PNOC: variants seen among roughly 807,000 people sequenced by gnomAD.
PNOC encodes the protein nociceptin.
A neutral mutation model predicts 15.6 loss-of-function variants in PNOC; 10 were observed. The ratio of observed to expected loss-of-function variants is 0.64; its 90% CI spans 0.40 to 1.09. The LOEUF (loss-of-function observed/expected upper bound fraction) is 1.09, where lower values mean the gene tolerates loss of function less well. PNOC is among the 50% of genes least tolerant of loss of function. The probability of loss-of-function intolerance (pLI) is 0.01; values close to 1 mark genes in which losing one functional copy is unlikely to be tolerated. For synonymous variants in PNOC, 98 were observed against 88.5 expected (o/e 1.11, Z -0.60); for missense variants, 220 against 223.9 (o/e 0.98, Z 0.11).
intron 1 of PNOC, among the ~76,000 whole-genome samples, chr8:28,319,729 G>A (rs1373769449): frequency 1.3e-5 from 2 of 152,066 alleles, no homozygotes; most frequent in East Asian, 1.9e-4. Flanking sequence ...CAAAGCCCAC[G>A]AAGGAAGCTT....
intron 1 of PNOC, among the ~76,000 whole-genome samples, chr8:28,318,807 C>A (rs1488324150): frequency 1.3e-5 from 2 of 152,210 alleles, no homozygotes; most frequent in South Asian, 4.1e-4. Flanking sequence ...AGTTTTGTTG[C>A]GCACAGGGCA....
chr8:28,320,852 A>C (rs79745267), intron 1 of PNOC, among the ~76,000 whole-genome samples: 2 of 145,326 alleles, frequency 1.4e-5, no homozygotes, highest in East Asian at 3.9e-4. Context: ...CTCCATCTCA[A>C]AAAAAAAAAA....
Position 28,329,131 on chromosome 8 carries a change from C to T in PNOC, c.-23-4C>T. ...CTCATTGCCATGCTTCCTGTATGTT[C>T]CAGCACCTGCTTCCTGCTCCTGCAC... On this transcript the variant is annotated splice_polypyrimidine_tract_variant and splice_region_variant and intron_variant, in intron 1 of 3. Coordinates refer to ENST00000301908, the MANE Select transcript of PNOC (RefSeq NM_006228.5). 2.5e-6 allele frequency: 4 copies of T among 1,612,152 alleles called. No homozygotes were observed. Among genetic ancestry groups the T allele is most frequent in the Non-Finnish European group, 3.4e-6 (4 of 1,179,930 alleles).
chr8:28,330,723 T>C (rs1425485321), intron 2 of PNOC, among the ~76,000 whole-genome samples: 1 of 151,954 alleles, frequency 6.6e-6, no homozygotes, highest in East Asian at 1.9e-4. Flanking sequence ...TTTTTGATAT[T>C]GCAGATAACT....
At chr8:28,323,713 G>C (rs1398919654) in intron 1 of PNOC, among the ~76,000 whole-genome samples, 3 of 152,218 alleles carry the variant, frequency 2.0e-5, no homozygotes, top group Non-Finnish European at 4.4e-5. Context: ...CCAGCATGGA[G>C]ATATAGTCAA....
intron 1 of PNOC, 86 bp from the exon 2 acceptor site, chr8:28,329,049 T>G: frequency 7.7e-7 from 1 of 1,304,318 alleles, no homozygotes; most frequent in Non-Finnish European, 1.1e-6. Context: ...GAAGTGTCTT[T>G]CCTGCATTCT....
At chr8:28,338,842 G>GGGTC (rs1801459311) in intron 2 of PNOC, 198 bp from the exon 3 acceptor site, 1 of 1,075,486 alleles carries the variant, frequency 9.3e-7, no homozygotes, top group Non-Finnish European at 1.2e-6. Context: ...TGATGGAGCT[G>GGGTC]GGTCAGATGA....
intron 2 of PNOC, among the ~76,000 whole-genome samples, chr8:28,336,769 C>T (rs1310209642): frequency 1.3e-5 from 2 of 151,658 alleles, no homozygotes; most frequent in Admixed American, 6.6e-5. Flanking sequence ...ACCAGAGATG[C>T]GGAGATCAGT....
chr8:28,338,955 G>A, intron 2 of PNOC, 85 bp from the exon 3 acceptor site: 1 of 1,276,378 alleles, frequency 7.8e-7, no homozygotes, highest in Non-Finnish European at 1.1e-6. Context: ...ACTTGCACTG[G>A]TGCAGTGGGC....
At chr8:28,330,399 T>TTTTTTTTTTTTTTTTTTTA (rs1801307822) in intron 2 of PNOC, among the ~76,000 whole-genome samples, 1 of 104,102 alleles carries the variant, frequency 9.6e-6, no homozygotes, top group Non-Finnish European at 2.1e-5. Flanking sequence ...TTATTTTATT[T>TTTTTTTTTTTTTTTTTTTA]TTTTTTTTTT....
chr8:28,339,672 C>A (rs1325884350), intron 3 of PNOC, 181 bp downstream of exon 3: 1 of 447,088 alleles, frequency 2.2e-6, no homozygotes, highest in Non-Finnish European at 3.8e-6. Context: ...ATGATTGCAC[C>A]TTGAAGCTGA....
intron 2 of PNOC, among the ~76,000 whole-genome samples, chr8:28,330,396 A>ATTTTTTTTTTTTTTTTT (rs67554549): frequency 5.0e-5 from 4 of 80,414 alleles, no homozygotes; most frequent in African/African-American, 1.6e-4. Context: ...ATTTTATTTT[A>ATTTTTTTTTTTTTTTTT]TTTTTTTTTT....
chr8:28,331,116 T>C (rs2614108), intron 2 of PNOC, among the ~76,000 whole-genome samples: 49,652 of 151,706 alleles, frequency 0.33, 9,868 homozygotes, highest in Non-Finnish European at 0.46. Flanking sequence ...ACCAAGCTCT[T>C]GGGCTCAGTG....
At chr8:28,324,816 T>C (rs183158496) in intron 1 of PNOC, among the ~76,000 whole-genome samples, 4 of 152,202 alleles carry the variant, frequency 2.6e-5, no homozygotes, top group African/African-American at 9.6e-5. Flanking sequence ...TGAGCCAAGG[T>C]TGTGCCACTG....
chr8:28,318,390 C>G (rs1022472618), intron 1 of PNOC, among the ~76,000 whole-genome samples: 1 of 152,208 alleles, frequency 6.6e-6, no homozygotes, highest in Non-Finnish European at 1.5e-5. Flanking sequence ...CAATTATAAC[C>G]AATAACATTG....
chr8:28,331,643 C>G (rs1321074500), intron 2 of PNOC, among the ~76,000 whole-genome samples: 1 of 152,196 alleles, frequency 6.6e-6, no homozygotes, highest in African/African-American at 2.4e-5. Context: ...TCCTGCCCTG[C>G]CATTGTGCCT....
intron 1 of PNOC, among the ~76,000 whole-genome samples, chr8:28,317,792 T>C (rs1183328085): frequency 6.6e-6 from 1 of 152,096 alleles, no homozygotes; most frequent in Non-Finnish European, 1.5e-5. Context: ...CTTCTCCGCC[T>C]ATCACTGAAC....
intron 1 of PNOC, among the ~76,000 whole-genome samples, chr8:28,323,860 T>C (rs1801183962): frequency 6.6e-6 from 1 of 152,258 alleles, no homozygotes; most frequent in Admixed American, 6.5e-5. Flanking sequence ...ATTTACATAA[T>C]TTTGAGTTTT....
Position 28,343,192 on chromosome 8 carries a change from C to T in PNOC, c.*298C>T, listed in dbSNP as rs1375884345. On this transcript the variant is annotated 3_prime_UTR_variant, in exon 4 of 4. Transcript: ENST00000301908. ...AATAGCCCCATCTCTCCTGCTCACC[C>T]GCCTCTTGCCCCTTCTAGGGGCAGG... is the stretch of plus-strand genomic sequence containing the variant. 2 of 162,272 alleles carry T rather than the reference C, an allele frequency of 1.2e-5. No homozygotes were observed. Among genetic ancestry groups the T allele is most frequent in the Non-Finnish European group, 2.6e-5 (2 of 76,798 alleles). The allele number at this position is 162,272 out of a possible 1,614,324, so 10.1% of individuals were successfully genotyped here.
Sources: gnomAD v4.1 joint callset for allele counts (sites outside exome capture counted in the v4.1 genomes callset) on GRCh38, gnomAD v4.1.1 for gene constraint, MANE v1.5 for transcripts, NCBI Gene and HGNC (gene_info 2026-07-23, HGNC 2026-07-21) for gene names.